The following ITPR2 variants were observed in gnomAD, a reference collection of about 807,000 sequenced individuals.
ITPR2 encodes the protein inositol 1,4,5-trisphosphate receptor type 2, also known as inositol 1,4,5-trisphosphate-gated calcium channel ITPR2.
A neutral mutation model predicts 317.1 loss-of-function variants in ITPR2; 207 were observed. The observed-to-expected ratio is 0.65, with a 90% CI of 0.58 to 0.73. ITPR2 has a LOEUF of 0.73. Ranked by LOEUF, ITPR2 falls within the 30% of genes least tolerant of loss-of-function variation. The probability of loss-of-function intolerance (pLI) is 0.00; values close to 1 mark genes in which losing one functional copy is unlikely to be tolerated. For synonymous variants in ITPR2, 1,156 were observed against 1,149.1 expected, an observed-to-expected ratio of 1.01 and a Z score of -0.12; for missense variants, 2,613 against 3,284.0, an observed-to-expected ratio of 0.80 and a Z score of 4.99.
chr12:26,701,910 A>G (rs577969173), intron 9 of ITPR2, among the ~76,000 whole-genome samples: 1 of 152,340 alleles, frequency 6.6e-6, no homozygotes, highest in African/African-American at 2.4e-5. Context: ...TACTTGATCT[A>G]TATTGCTTTG....
At chr12:26,555,395 C>G (rs991978460) in intron 36 of ITPR2, among the ~76,000 whole-genome samples, 1 of 152,194 alleles carries the variant, frequency 6.6e-6, no homozygotes, top group African/African-American at 2.4e-5. Flanking sequence ...CATCCAGATA[C>G]TCTTCCCAGG....
intron 26 of ITPR2, among the ~76,000 whole-genome samples, chr12:26,607,417 A>T (rs1946158568): frequency 6.6e-6 from 1 of 152,226 alleles, no homozygotes; most frequent in African/African-American, 2.4e-5. Context: ...CTTTCAGATA[A>T]CTGAATAACC....
At chr12:26,822,791 T>A (rs1348463563) in intron 1 of ITPR2, among the ~76,000 whole-genome samples, 1 of 152,200 alleles carries the variant, frequency 6.6e-6, no homozygotes, top group Non-Finnish European at 1.5e-5. Context: ...GTGACAAGGA[T>A]GGAATGCCAT....
chr12:26,543,367 G>T (rs562916214), intron 37 of ITPR2, among the ~76,000 whole-genome samples: 2 of 151,944 alleles, frequency 1.3e-5, no homozygotes, highest in East Asian at 1.9e-4. Context: ...GTGTGTGTTT[G>T]TGTGTGTGTG....
chr12:26,664,769 T>C (rs754814770), intron 14 of ITPR2, among the ~76,000 whole-genome samples: 23 of 152,148 alleles, frequency 1.5e-4, no homozygotes, highest in Admixed American at 5.2e-4. Flanking sequence ...TCCAAGGTCC[T>C]AAAAGTCTTT....
At chr12:26,391,385 G>T (rs555857988) in intron 54 of ITPR2, among the ~76,000 whole-genome samples, 14 of 152,160 alleles carry the variant, frequency 9.2e-5, no homozygotes, top group Admixed American at 4.6e-4. Flanking sequence ...AGCCAGAGAT[G>T]AAGGTACATG....
At chr12:26,428,632 T>C (rs964477370) in intron 48 of ITPR2, among the ~76,000 whole-genome samples, 1 of 152,178 alleles carries the variant, frequency 6.6e-6, no homozygotes, top group African/African-American at 2.4e-5. Flanking sequence ...GTGTGTGTAT[T>C]TGAAGGCCAA....
In ITPR2 at chr12:26,494,232, T is replaced by C. The variant is rs751750193; in HGVS notation, c.5291A>G (p.Asn1764Ser). 2 of 1,613,636 alleles carry C rather than the reference T, an allele frequency of 1.2e-6. No individual in the cohort carries two copies. The highest frequency in any genetic ancestry group is 1.3e-5 in the African/African-American group (1 of 74,892). Residue 1764 changes from asparagine (N) to serine (S), a missense_variant, in exon 39 of 57, where the codon AAC (asparagine) becomes AGC (serine). This residue lies in a region of ITPR2 where 926 missense variants were observed against 1,072.8 expected (regional missense o/e 0.86). Coordinates refer to ENST00000381340, the MANE Select transcript of ITPR2 (RefSeq NM_002223.4). ...ASELVIDVIV[N>S]TKNDRIFSEG... ...TGAAAAAATTCTGTCATTTTTGGTGTTCACTATAACATCGATGACAAGTTC... is the reference window on the plus strand; with the variant it reads ...TGAAAAAATTCTGTCATTTTTGGTGCTCACTATAACATCGATGACAAGTTC...
At chr12:26,575,202 T>C (rs1591918872) in intron 34 of ITPR2, among the ~76,000 whole-genome samples, 1 of 146,646 alleles carries the variant, frequency 6.8e-6, no homozygotes, top group African/African-American at 2.5e-5. Flanking sequence ...GATGTAACAG[T>C]GAGGAATCTA....
At chr12:26,697,360 G>T (rs1017333873) in intron 9 of ITPR2, among the ~76,000 whole-genome samples, 12 of 152,230 alleles carry the variant, frequency 7.9e-5, no homozygotes, top group African/African-American at 2.9e-4. Flanking sequence ...GTTAGAACAA[G>T]GGAGATTCCT....
chr12:26,368,478 T>C (rs1159858394), intron 55 of ITPR2, among the ~76,000 whole-genome samples: 2 of 151,656 alleles, frequency 1.3e-5, no homozygotes, highest in Non-Finnish European at 3.0e-5. Context: ...TAAAGGTAGA[T>C]AATATTACTA....
At chr12:26,420,287 C>T (rs1327985227) in intron 49 of ITPR2, among the ~76,000 whole-genome samples, 1 of 152,136 alleles carries the variant, frequency 6.6e-6, no homozygotes, top group African/African-American at 2.4e-5. Context: ...TTTAGGTTAT[C>T]TACTGGAACC....
chr12:26,655,165 C>T (rs1947342365), intron 20 of ITPR2, among the ~76,000 whole-genome samples: 1 of 152,042 alleles, frequency 6.6e-6, no homozygotes, highest in Non-Finnish European at 1.5e-5. Context: ...AAAAAGTATC[C>T]AAACATTTTA....
At chr12:26,744,145 A>G (rs1949280275) in intron 2 of ITPR2, among the ~76,000 whole-genome samples, 1 of 152,198 alleles carries the variant, frequency 6.6e-6, no homozygotes, top group Non-Finnish European at 1.5e-5. Flanking sequence ...CCTCTGCTCA[A>G]AACCCTTCAA....
At chr12:26,732,677 T>C (rs1949046116) in intron 2 of ITPR2, among the ~76,000 whole-genome samples, 1 of 152,208 alleles carries the variant, frequency 6.6e-6, no homozygotes, top group Non-Finnish European at 1.5e-5. Flanking sequence ...ACCAAGATCC[T>C]CTGAACCCTA....
At chr12:26,633,142 TAA>T (rs35818248) in intron 21 of ITPR2, among the ~76,000 whole-genome samples, 148 of 147,806 alleles carry the variant, frequency 1.0e-3, no homozygotes, top group South Asian at 5.1e-3. Context: ...AGATTTTTAT[TAA>T]AAAAAAAAAA....
At chr12:26,715,140 A>G (rs1299782600) in intron 8 of ITPR2, among the ~76,000 whole-genome samples, 159 bp downstream of exon 8, 1 of 152,102 alleles carries the variant, frequency 6.6e-6, no homozygotes, top group Non-Finnish European at 1.5e-5. Flanking sequence ...TTTCCTTTCA[A>G]ATTGGTCACA....
intron 2 of ITPR2, among the ~76,000 whole-genome samples, chr12:26,752,127 T>A (rs1263495549): frequency 1.3e-5 from 2 of 152,196 alleles, no homozygotes; most frequent in African/African-American, 4.8e-5. Flanking sequence ...TGTTAGTAAT[T>A]AAGTTCTTAT....
intron 11 of ITPR2, 44 bp downstream of exon 11, chr12:26,686,437 T>A: frequency 7.5e-7 from 1 of 1,334,996 alleles, no homozygotes; most frequent in African/African-American, 1.5e-5. Context: ...CACCTACTGG[T>A]ATAATTATTC....
Sources: allele counts gnomAD v4.1 joint callset (sites outside exome capture counted in the v4.1 genomes callset), GRCh38; gene constraint gnomAD v4.1.1; regional missense constraint gnomAD v4.1.1; transcripts MANE v1.5; gene names NCBI Gene and HGNC (gene_info 2026-07-23, HGNC 2026-07-21).